The following CTNND2 variants were observed in gnomAD, a reference collection of about 807,000 sequenced individuals.
CTNND2 encodes catenin delta 2, also known as catenin delta-2.
Under a neutral mutation model 144.4 loss-of-function variants are expected in CTNND2, and 22 were observed. The ratio of observed to expected loss-of-function variants is 0.15; its 90% CI spans 0.11 to 0.22. The LOEUF (loss-of-function observed/expected upper bound fraction) is 0.22, where lower values mean the gene tolerates loss of function less well. Among genes scored for constraint, CTNND2 ranks in the 10% least tolerant of loss-of-function variants. The probability of loss-of-function intolerance (pLI) is 1.00; values close to 1 mark genes in which losing one functional copy is unlikely to be tolerated. For missense variants in CTNND2, 1,353 were observed against 1,618.8 expected (o/e 0.84, Z 2.82); for synonymous variants, 751 against 695.6 (o/e 1.08, Z -1.25).
intron 13 of CTNND2, among the ~76,000 whole-genome samples, chr5:11,112,735 G>A (rs1469867314): frequency 3.3e-5 from 5 of 152,216 alleles, no homozygotes; most frequent in African/African-American, 4.8e-5. Context: ...AGGGCTAGCC[G>A]GCTTGGCTTC....
chr5:11,656,267 T>TA (rs1782907460), intron 2 of CTNND2, among the ~76,000 whole-genome samples: 1 of 152,130 alleles, frequency 6.6e-6, no homozygotes, highest in African/African-American at 2.4e-5. Context: ...GTCTCTCCTC[T>TA]TTAATTCTGT....
At chr5:11,502,481 A>C (rs1770632009) in intron 3 of CTNND2, among the ~76,000 whole-genome samples, 1 of 152,218 alleles carries the variant, frequency 6.6e-6, no homozygotes, top group East Asian at 1.9e-4. Context: ...GAGACCATTC[A>C]TGTCTGTGAA....
At chr5:11,456,894 CTCTGGTCTTCATAT>C (rs1401720902) in intron 3 of CTNND2, among the ~76,000 whole-genome samples, 1 of 152,164 alleles carries the variant, frequency 6.6e-6, no homozygotes, top group African/African-American at 2.4e-5. Flanking sequence ...AAATCTAGAA[CTCTGGTCTTCATAT>C]TCTGAAGACA....
intron 12 of CTNND2, among the ~76,000 whole-genome samples, chr5:11,158,706 G>T (rs1486238938): frequency 6.6e-6 from 1 of 152,136 alleles, no homozygotes; most frequent in African/African-American, 2.4e-5. Flanking sequence ...CCTAGAAACT[G>T]ATCAACTGTA....
intron 16 of CTNND2, among the ~76,000 whole-genome samples, chr5:11,062,289 T>C (rs1747083319): frequency 6.6e-6 from 1 of 152,246 alleles, no homozygotes; most frequent in South Asian, 2.1e-4. Context: ...GGCACTTCTA[T>C]TTTGAAAGCT....
chr5:11,000,937 T>C (rs35432032), intron 18 of CTNND2, among the ~76,000 whole-genome samples: 4,399 of 152,328 alleles, frequency 0.029, 117 homozygotes, highest in Non-Finnish European at 0.036. Flanking sequence ...CTGTGAACCA[T>C]TGGCTTGGGG....
chr5:11,043,193 G>A (rs1744866199), intron 16 of CTNND2, among the ~76,000 whole-genome samples: 1 of 151,758 alleles, frequency 6.6e-6, no homozygotes, highest in East Asian at 1.9e-4. Context: ...ATACTTAAAT[G>A]TATTTTAGTA....
chr5:11,779,983 G>A lies in CTNND2; in HGVS notation c.38-47711C>T, dbSNP rs563717820. 9.2e-5 allele frequency among the ~76,000 whole-genome samples: 14 copies of A among 152,254 alleles called. No homozygotes were observed. The East Asian group carries it at 2.7e-3, about 29-fold the overall frequency. ...TTTATCCCACTAGGATTGGGGGAAGGACAAGAGGAAGATAAAAGCAGGGCC... is the reference window on the plus strand; with the variant it reads ...TTTATCCCACTAGGATTGGGGGAAGAACAAGAGGAAGATAAAAGCAGGGCC... On this transcript the variant is annotated intron_variant, in intron 1 of 21. Transcript: ENST00000304623.
chr5:11,801,445 C>T (rs1791676700), intron 1 of CTNND2, among the ~76,000 whole-genome samples: 2 of 152,278 alleles, frequency 1.3e-5, no homozygotes, highest in South Asian at 4.1e-4. Context: ...TGCAAATGAA[C>T]TAATTTGAAT....
At chr5:11,363,188 T>C (rs1756639487) in intron 8 of CTNND2, among the ~76,000 whole-genome samples, 1 of 152,192 alleles carries the variant, frequency 6.6e-6, no homozygotes. Flanking sequence ...AGAGTTTTCT[T>C]TTTTTAAGTA....
chr5:11,459,325 TA>T (rs1291998763), intron 3 of CTNND2, among the ~76,000 whole-genome samples: 1 of 152,208 alleles, frequency 6.6e-6, no homozygotes, highest in Non-Finnish European at 1.5e-5. Context: ...CTTACTTCTG[TA>T]AACAATGTGG....
At chr5:11,230,449 C>G (rs1157489336) in intron 10 of CTNND2, among the ~76,000 whole-genome samples, 5 of 152,000 alleles carry the variant, frequency 3.3e-5, no homozygotes, top group Non-Finnish European at 7.4e-5. Context: ...AGGAAGTGTC[C>G]ATGTTTAATA....
intron 15 of CTNND2, among the ~76,000 whole-genome samples, chr5:11,094,084 C>T (rs1751056692): frequency 6.6e-6 from 1 of 152,116 alleles, no homozygotes; most frequent in Admixed American, 6.5e-5. Context: ...TATGTATGTA[C>T]ATATTTATAA....
chr5:11,123,696 A>G (rs1754369316), intron 12 of CTNND2, among the ~76,000 whole-genome samples: 1 of 152,136 alleles, frequency 6.6e-6, no homozygotes, highest in South Asian at 2.1e-4. Flanking sequence ...CTTCCCCTAT[A>G]CTTCGATTAG....
At chr5:11,103,768 TAG>T (rs1448840150) in intron 14 of CTNND2, among the ~76,000 whole-genome samples, 2 of 151,914 alleles carry the variant, frequency 1.3e-5, no homozygotes, top group African/African-American at 4.8e-5. Flanking sequence ...CTTTAAGTTA[TAG>T]AGAGTCACAG....
intron 2 of CTNND2, among the ~76,000 whole-genome samples, chr5:11,574,857 C>A (rs942039843): frequency 6.6e-6 from 1 of 152,208 alleles, no homozygotes; most frequent in African/African-American, 2.4e-5. Context: ...GAATCCTAGC[C>A]TCAGCCAAAA....
chr5:11,057,470 A>G (rs932236572), intron 16 of CTNND2, among the ~76,000 whole-genome samples: 1 of 152,244 alleles, frequency 6.6e-6, no homozygotes, highest in African/African-American at 2.4e-5. Flanking sequence ...GCCTGCTGCC[A>G]TCCACGTAAG....
chr5:11,707,550 C>T (rs1254339775), intron 2 of CTNND2, among the ~76,000 whole-genome samples: 3 of 152,066 alleles, frequency 2.0e-5, no homozygotes, highest in African/African-American at 7.2e-5. Flanking sequence ...CAGGAAGATA[C>T]CACAGGAAAA....
At chr5:11,330,374 C>A (rs1200812449) in intron 9 of CTNND2, among the ~76,000 whole-genome samples, 1 of 145,108 alleles carries the variant, frequency 6.9e-6, no homozygotes, top group Non-Finnish European at 1.5e-5. Flanking sequence ...GTCTCAGCTA[C>A]TCAGGAGGCT....
Sources: allele counts gnomAD v4.1 joint callset (sites outside exome capture counted in the v4.1 genomes callset), GRCh38; gene constraint gnomAD v4.1.1; transcripts MANE v1.5; gene names NCBI Gene and HGNC (gene_info 2026-07-23, HGNC 2026-07-21).